Variants in ELMO1 observed in about 807,000 individuals in gnomAD.
ELMO1 encodes engulfment and cell motility protein 1.
In ELMO1, 26 loss-of-function variants were observed where a neutral mutation model predicts 98.9. The ratio of observed to expected loss-of-function variants is 0.26; its 90% CI spans 0.19 to 0.36. The LOEUF (loss-of-function observed/expected upper bound fraction) is 0.36, where lower values mean the gene tolerates loss of function less well. Ranked by LOEUF, ELMO1 falls within the 10% of genes least tolerant of loss-of-function variation. The pLI is 1.00. For synonymous variants in ELMO1, 346 were observed against 346.0 expected (o/e 1.00, Z 0.00); for missense variants, 627 against 935.2 (o/e 0.67, Z 4.30).
In ELMO1 at chr7:36,989,226, A is replaced by G. The variant is rs550544078; in HGVS notation, c.1437+24073T>C. On this transcript the variant is annotated intron_variant, in intron 16 of 21. Transcript: ENST00000310758. ...TTACACTATTTACACAAATGAGGAA[A>G]TTGAGGCATAAGGAGGTTAAGCAAC... Among the ~76,000 whole-genome samples, 40 of 152,340 alleles carry G rather than the reference A, an allele frequency of 2.6e-4. No homozygotes were observed. In the South Asian group the frequency reaches 4.8e-3, roughly 18 times the overall value.
At chr7:37,154,391 C>G (rs547176553) in intron 13 of ELMO1, among the ~76,000 whole-genome samples, 85 of 140,916 alleles carry the variant, frequency 6.0e-4, no homozygotes, top group African/African-American at 2.0e-3. Context: ...ATGTTCTAAT[C>G]CACCACAAGG....
intron 14 of ELMO1, chr7:37,132,901 T>C (rs1787022228): frequency 3.0e-6 from 1 of 338,202 alleles, no homozygotes; most frequent in Non-Finnish European, 5.3e-6. Flanking sequence ...TTTCCTAGTA[T>C]CTACCGTATT....
chr7:36,883,852 G>A (rs1411790796), intron 18 of ELMO1, among the ~76,000 whole-genome samples: 3 of 152,184 alleles, frequency 2.0e-5, no homozygotes, highest in Non-Finnish European at 4.4e-5. Context: ...ATCTTCTGGG[G>A]TTTCATCTGA....
chr7:36,874,153 C>T (rs942838765), intron 19 of ELMO1, among the ~76,000 whole-genome samples: 4 of 152,244 alleles, frequency 2.6e-5, no homozygotes, highest in South Asian at 4.1e-4. Flanking sequence ...TTTTGAGAGC[C>T]TCAACTTCCT....
chr7:37,087,636 TGAATATTTGAGCC>T, intron 15 of ELMO1, among the ~76,000 whole-genome samples: 1 of 152,358 alleles, frequency 6.6e-6, no homozygotes, highest in East Asian at 1.9e-4. Context: ...CTGAGACAAA[TGAATATTTGAGCC>T]AAATTCAGTG....
At chr7:37,077,464 G>C (rs938200077) in intron 15 of ELMO1, among the ~76,000 whole-genome samples, 1 of 152,200 alleles carries the variant, frequency 6.6e-6, no homozygotes, top group Non-Finnish European at 1.5e-5. Flanking sequence ...AGCCTAAGAG[G>C]AATCATGGCC....
intron 13 of ELMO1, among the ~76,000 whole-genome samples, chr7:37,160,366 G>A (rs140710847): frequency 1.4e-3 from 217 of 152,302 alleles, no homozygotes; most frequent in African/African-American, 4.8e-3. Context: ...AATCTTTCCT[G>A]AACAGACCTG....
At chr7:37,419,362 G>A (rs1804371636) in intron 1 of ELMO1, among the ~76,000 whole-genome samples, 1 of 152,130 alleles carries the variant, frequency 6.6e-6, no homozygotes, top group African/African-American at 2.4e-5. Flanking sequence ...ATCTGGAAAT[G>A]TCAATATATT....
chr7:36,892,545 T>A (rs535852594), intron 17 of ELMO1, among the ~76,000 whole-genome samples: 120 of 152,264 alleles, frequency 7.9e-4, no homozygotes, highest in African/African-American at 2.8e-3. Context: ...GTTCAGTAGA[T>A]GTTTGTGAAA....
chr7:37,152,136 A>T (rs868211572), intron 13 of ELMO1, among the ~76,000 whole-genome samples: 2 of 152,250 alleles, frequency 1.3e-5, no homozygotes, highest in African/African-American at 4.8e-5. Flanking sequence ...TATGTTAAAA[A>T]ATAAAAAATA....
At chr7:37,293,561 AC>A (rs1433682722) in intron 4 of ELMO1, among the ~76,000 whole-genome samples, 3 of 112,788 alleles carry the variant, frequency 2.7e-5, no homozygotes, top group Non-Finnish European at 4.0e-5. Flanking sequence ...AATCTCAAGT[AC>A]CCAGGGACAC....
At chr7:37,161,728 A>T (rs1789214378) in intron 13 of ELMO1, among the ~76,000 whole-genome samples, 1 of 150,654 alleles carries the variant, frequency 6.6e-6, no homozygotes, top group Non-Finnish European at 1.5e-5. Flanking sequence ...ATGACCCTAA[A>T]CCACTTCAAG....
At chr7:37,302,623 C>T (rs1583499153) in intron 4 of ELMO1, among the ~76,000 whole-genome samples, 1 of 152,036 alleles carries the variant, frequency 6.6e-6, no homozygotes, top group East Asian at 1.9e-4. Context: ...GATTCTAGCC[C>T]CCAGCTATTC....
At chr7:37,122,917 T>C (rs11977791) in intron 14 of ELMO1, among the ~76,000 whole-genome samples, 3 of 151,890 alleles carry the variant, frequency 2.0e-5, no homozygotes, top group African/African-American at 7.3e-5. Flanking sequence ...TAAAAGAACA[T>C]AAATTATAAC....
intron 10 of ELMO1, among the ~76,000 whole-genome samples, chr7:37,219,273 GT>G (rs1205526809): frequency 2.0e-4 from 30 of 152,294 alleles, no homozygotes; most frequent in Admixed American, 1.3e-4. Flanking sequence ...AACAGCACAG[GT>G]CCTTCTGACC....
chr7:36,861,817 C>T (rs1257602977), intron 20 of ELMO1, 81 bp from the exon 21 acceptor site: 2 of 1,365,610 alleles, frequency 1.5e-6, no homozygotes, highest in African/African-American at 2.9e-5. Flanking sequence ...GCACATTGAC[C>T]ATGGCATAGG....
At chr7:36,973,501 T>G (rs954358587) in intron 16 of ELMO1, among the ~76,000 whole-genome samples, 2 of 152,164 alleles carry the variant, frequency 1.3e-5, no homozygotes, top group African/African-American at 4.8e-5. Flanking sequence ...CAAGTTCCAG[T>G]CCATCATTAG....
intron 1 of ELMO1, among the ~76,000 whole-genome samples, chr7:37,439,063 A>C (rs1169884218): frequency 6.6e-6 from 1 of 152,210 alleles, no homozygotes; most frequent in Non-Finnish European, 1.5e-5. Context: ...CAGCAAGCAC[A>C]CTGCTTTGTT....
At chr7:36,973,131 G>A (rs1487805502) in intron 16 of ELMO1, among the ~76,000 whole-genome samples, 1 of 152,188 alleles carries the variant, frequency 6.6e-6, no homozygotes, top group African/African-American at 2.4e-5. Flanking sequence ...ACTATAACAT[G>A]CATCAAGGTT....
Sources: gnomAD v4.1 joint callset for allele counts (sites outside exome capture counted in the v4.1 genomes callset) on GRCh38, gnomAD v4.1.1 for gene constraint, MANE v1.5 for transcripts, NCBI Gene and HGNC (gene_info 2026-07-23, HGNC 2026-07-21) for gene names.